The following ATP6V0D1 variants were observed in gnomAD, a reference collection of about 807,000 sequenced individuals.
ATP6V0D1 encodes the protein V-type proton ATPase subunit d 1.
Under a neutral mutation model 39.0 loss-of-function variants are expected in ATP6V0D1, and 13 were observed. The ratio of observed to expected loss-of-function variants is 0.33; its 90% confidence interval spans 0.22 to 0.53. The LOEUF is 0.53. ATP6V0D1 is among the 20% of genes least tolerant of loss of function. ATP6V0D1 has a pLI of 0.94. For missense variants in ATP6V0D1, 272 were observed against 470.9 expected, an observed-to-expected ratio of 0.58 and a Z score of 3.91; for synonymous variants, 191 against 191.2, an observed-to-expected ratio of 1.00 and a Z score of 0.01.
chr16:67,438,454 C>G lies in ATP6V0D1; in HGVS notation c.*74G>C, dbSNP rs1309971385. Reference sequence around the variant, plus strand: ...ACAGGCTTGTCACAGACCACATACACACACACGCACACACACGCGCACACA... The same window carrying G: ...ACAGGCTTGTCACAGACCACATACAGACACACGCACACACACGCGCACACA... On this transcript the variant is annotated 3_prime_UTR_variant, in exon 8 of 8. Transcript: ENST00000290949. 10 of 1,528,028 alleles carry G rather than the reference C, an allele frequency of 6.5e-6. No homozygotes were observed. The highest frequency in any genetic ancestry group is 8.9e-6 in the Non-Finnish European group (10 of 1,129,902). The allele number at this position is 1,528,028 out of a possible 1,614,324, so 94.7% of individuals were successfully genotyped here. A position where few individuals can be genotyped will look rare whatever the true frequency, so the allele number is the denominator to read the frequency against.
At chr16:67,474,939 C>A (rs747930019) in intron 1 of ATP6V0D1, among the ~76,000 whole-genome samples, 21 of 152,194 alleles carry the variant, frequency 1.4e-4, no homozygotes, top group Admixed American at 4.6e-4. Flanking sequence ...CCCCAGCCTT[C>A]TTGCCCAACG....
At chr16:67,459,177 AG>A in intron 1 of ATP6V0D1, 1 of 985,538 alleles carries the variant, frequency 1.0e-6, no homozygotes, top group Non-Finnish European at 1.2e-6. Flanking sequence ...CAAGTGCTCC[AG>A]GGAAGTCCAC....
At chr16:67,445,673 C>T (rs2142303312) in intron 2 of ATP6V0D1, 2 of 315,458 alleles carry the variant, frequency 6.3e-6, no homozygotes, top group South Asian at 2.6e-5. Context: ...AGAAGGCCAG[C>T]TCTGTGGGGT....
At position 67,481,125 on chromosome 16, in the gene ATP6V0D1, G is replaced by C. The variant is rs775932610; in HGVS notation, c.-39C>G. The C allele has an allele frequency of 3.2e-5, 51 of 1,611,464 alleles. No homozygotes were observed. Among genetic ancestry groups the C allele is most frequent in the African/African-American group, 4.0e-5 (3 of 74,882 alleles). On this transcript the variant is annotated 5_prime_UTR_variant, in exon 1 of 8. Transcript: ENST00000290949. ...GCGGCGGGACCGGAGAACCAGGACCGGCCGGCACGAATCGCGACTCCCCAG... is the reference window on the plus strand; with the variant it reads ...GCGGCGGGACCGGAGAACCAGGACCCGCCGGCACGAATCGCGACTCCCCAG...
rs2041000035 is a variant in ATP6V0D1 at position 67,438,349 on chromosome 16, T to C, written c.*179A>G. On this transcript the variant is annotated 3_prime_UTR_variant, in exon 8 of 8. Coordinates refer to ENST00000290949, the MANE Select transcript of ATP6V0D1 (RefSeq NM_004691.5). ...GGGGTGCCCAGCCCCTTTTCAGGCCTAAGAACAGTCTCTAAGAGGGTCAGG... is the reference window on the plus strand; with the variant it reads ...GGGGTGCCCAGCCCCTTTTCAGGCCCAAGAACAGTCTCTAAGAGGGTCAGG... The C allele has an allele frequency of 1.3e-6, 1 of 747,862 alleles. No homozygotes were observed. Among genetic ancestry groups the C allele is most frequent in the South Asian group, 1.9e-5 (1 of 53,544 alleles). The allele number at this position is 747,862 out of a possible 1,614,324, so 46.3% of individuals were successfully genotyped here.
chr16:67,439,558 C>T, intron 4 of ATP6V0D1: 1 of 601,352 alleles, frequency 1.7e-6, no homozygotes, highest in South Asian at 2.0e-5. Flanking sequence ...CACAGCCTCC[C>T]ACCCAGGAGT....
chr16:67,453,471 C>T lies in ATP6V0D1; in HGVS notation c.302+73G>A. 1 of 1,568,218 alleles carries T rather than the reference C, an allele frequency of 6.4e-7. No individual in the cohort carries two copies. The highest frequency in any genetic ancestry group is 1.7e-5 in the Admixed American group (1 of 58,142). ...GCACGAAGGCAGCTAGCCTAAGCCA[C>T]ACTGAACCCAGCTCCTGCAGGTGTA... is the stretch of plus-strand genomic sequence containing the variant. On this transcript the variant is annotated intron_variant, in intron 2 of 7. Transcript: ENST00000290949. This position sits in a 1 kb window ranked among gnomAD's most constrained non-coding sequence, Gnocchi z 4.1.
At chr16:67,475,111 G>A (rs539386827) in intron 1 of ATP6V0D1, among the ~76,000 whole-genome samples, 6 of 152,332 alleles carry the variant, frequency 3.9e-5, no homozygotes, top group Middle Eastern at 3.4e-3. Context: ...CAGGTATCCT[G>A]TTAAAGTACA....
chr16:67,445,994 G>A (rs1267848171), intron 2 of ATP6V0D1: 2 of 455,270 alleles, frequency 4.4e-6, no homozygotes, highest in Non-Finnish European at 8.8e-6. Flanking sequence ...GGTGGAGGCT[G>A]CTGTTCTGAG....
intron 1 of ATP6V0D1, among the ~76,000 whole-genome samples, chr16:67,474,223 AACTGTTC>A (rs1231704120): frequency 3.9e-5 from 6 of 152,222 alleles, no homozygotes; most frequent in African/African-American, 1.4e-4. Context: ...TGGCCTCTCC[AACTGTTC>A]ACTTGGTCCC....
At chr16:67,471,481 C>A (rs1250098221) in intron 1 of ATP6V0D1, among the ~76,000 whole-genome samples, 2 of 152,158 alleles carry the variant, frequency 1.3e-5, no homozygotes, top group African/African-American at 4.8e-5. Flanking sequence ...TGAGCCACCA[C>A]ACGTGGCCTA....
At chr16:67,477,025 T>TAAA (rs199765066) in intron 1 of ATP6V0D1, among the ~76,000 whole-genome samples, 42 of 40,154 alleles carry the variant, frequency 1.0e-3, no homozygotes, top group Non-Finnish European at 1.9e-3. Context: ...TGTCTCAAAT[T>TAAA]AAAAAAAAAA....
At chr16:67,452,251 A>C (rs767350330) in intron 2 of ATP6V0D1, 1 of 1,535,456 alleles carries the variant, frequency 6.5e-7, no homozygotes, top group Non-Finnish European at 8.7e-7. Flanking sequence ...GATGGAGGCC[A>C]GGGCAGCAAG....
chr16:67,471,191 A>C (rs2041369950), intron 1 of ATP6V0D1, among the ~76,000 whole-genome samples: 1 of 152,092 alleles, frequency 6.6e-6, no homozygotes, highest in African/African-American at 2.4e-5. Flanking sequence ...AACATTTATT[A>C]TTTCTTTGTT....
chr16:67,452,093 C>T (rs921799614), intron 2 of ATP6V0D1: 177 of 1,144,844 alleles, frequency 1.5e-4, no homozygotes, highest in Non-Finnish European at 2.0e-4. Flanking sequence ...GGTATGTCCT[C>T]AGCTCTGGCT....
At chr16:67,459,370 T>G in intron 1 of ATP6V0D1, 1 of 643,304 alleles carries the variant, frequency 1.6e-6, no homozygotes, top group Non-Finnish European at 1.9e-6. Flanking sequence ...TTGCCCTGGC[T>G]CCAGCAGGGG....
intron 2 of ATP6V0D1, among the ~76,000 whole-genome samples, chr16:67,446,597 C>T (rs1286897088): frequency 1.3e-5 from 2 of 152,176 alleles, no homozygotes; most frequent in Non-Finnish European, 2.9e-5. Context: ...CAGCTCCAGC[C>T]TGCATATTTT....
chr16:67,438,461 G>GCACA lies in ATP6V0D1; in HGVS notation c.*63_*66dup. ...TGTCACAGACCACATACACACACAC[G>GCACA]CACACACACGCGCACACACACACAC... On this transcript the variant is annotated 3_prime_UTR_variant, in exon 8 of 8. Coordinates refer to ENST00000290949, the MANE Select transcript of ATP6V0D1 (RefSeq NM_004691.5). 1 of 1,536,484 alleles carries GCACA rather than the reference G, an allele frequency of 6.5e-7. No homozygotes were observed. The highest frequency in any genetic ancestry group is 8.8e-7 in the Non-Finnish European group (1 of 1,131,580).
chr16:67,471,328 A>G (rs1207809922), intron 1 of ATP6V0D1, among the ~76,000 whole-genome samples: 5 of 152,156 alleles, frequency 3.3e-5, no homozygotes, highest in African/African-American at 1.2e-4. Flanking sequence ...GCTGGGGATT[A>G]CAGGCATGCG....
Sources: gnomAD v4.1 joint callset for allele counts (sites outside exome capture counted in the v4.1 genomes callset) on GRCh38, gnomAD v4.1.1 for gene constraint, Gnocchi (gnomAD v3.1) non-coding constraint, MANE v1.5 for transcripts, NCBI Gene and HGNC (gene_info 2026-07-23, HGNC 2026-07-21) for gene names.